The following RBFOX1 variants were observed in gnomAD, a reference collection of about 807,000 sequenced individuals.
The protein encoded by RBFOX1 is RNA binding protein fox-1 homolog 1.
Under a neutral mutation model 57.7 loss-of-function variants are expected in RBFOX1, and 8 were observed. The ratio of observed to expected loss-of-function variants is 0.14; its 90% CI spans 0.08 to 0.25. The LOEUF is 0.25. RBFOX1 is among the 10% of genes least tolerant of loss of function. The pLI, the probability that RBFOX1 is intolerant of heterozygous loss-of-function variation, is 1.00. For missense variants in RBFOX1, 611 were observed against 548.5 expected, an observed-to-expected ratio of 1.11 and a Z score of -1.14; for synonymous variants, 326 against 222.4, an observed-to-expected ratio of 1.47 and a Z score of -4.15.
intron 4 of RBFOX1, among the ~76,000 whole-genome samples, chr16:7,117,345 C>T (rs8047900): frequency 0.13 from 19,671 of 151,962 alleles, 1,572 homozygotes; most frequent in East Asian, 0.35. Flanking sequence ...TGTCAACAAC[C>T]CTAAAATGTT....
intron 4 of RBFOX1, among the ~76,000 whole-genome samples, chr16:7,194,814 G>A (rs576831433): frequency 2.6e-5 from 4 of 151,740 alleles, no homozygotes; most frequent in Admixed American, 1.3e-4. Context: ...TGTGGTTCTC[G>A]CCACTAGGGA....
At chr16:5,533,944 A>G (rs1359757019) in intron 2 of RBFOX1, among the ~76,000 whole-genome samples, 1 of 152,136 alleles carries the variant, frequency 6.6e-6, no homozygotes, top group Non-Finnish European at 1.5e-5. Context: ...GAGAGCAGGA[A>G]TTGTTGAGAC....
intron 1 of RBFOX1, among the ~76,000 whole-genome samples, chr16:6,112,086 A>G (rs1488217231): frequency 6.6e-6 from 1 of 152,204 alleles, no homozygotes; most frequent in African/African-American, 2.4e-5. Flanking sequence ...GGCCCAGTGT[A>G]AGAGTGGTTT....
chr16:7,696,200 T>C (rs978098160), intron 14 of RBFOX1, among the ~76,000 whole-genome samples: 2 of 152,198 alleles, frequency 1.3e-5, no homozygotes, highest in Admixed American at 6.5e-5. Context: ...TCAACAATGC[T>C]ATTAGTTGTG....
At chr16:6,348,437 C>G (rs947893563) in intron 2 of RBFOX1, among the ~76,000 whole-genome samples, 7 of 152,172 alleles carry the variant, frequency 4.6e-5, no homozygotes, top group African/African-American at 1.4e-4. Context: ...GGGGAAATCT[C>G]TTTGCCCTGT....
chr16:6,856,791 G>A (rs914063227), intron 3 of RBFOX1, among the ~76,000 whole-genome samples: 6 of 152,176 alleles, frequency 3.9e-5, no homozygotes, highest in African/African-American at 9.7e-5. Context: ...GGAGATGTGT[G>A]TAACAGTTGG....
At chr16:5,275,333 A>G (rs1298708728) in intron 1 of RBFOX1, among the ~76,000 whole-genome samples, 1 of 152,238 alleles carries the variant, frequency 6.6e-6, no homozygotes, top group African/African-American at 2.4e-5. Context: ...ATTTAAAAAT[A>G]TACAATAAAT....
At chr16:5,852,931 C>T (rs1295086594) in intron 3 of RBFOX1, among the ~76,000 whole-genome samples, 2 of 152,182 alleles carry the variant, frequency 1.3e-5, no homozygotes, top group Non-Finnish European at 2.9e-5. Context: ...TGCCCCTCCT[C>T]TAGGGCCCCT....
intron 1 of RBFOX1, among the ~76,000 whole-genome samples, chr16:5,326,041 A>C (rs552115869): frequency 6.6e-6 from 1 of 152,226 alleles, no homozygotes; most frequent in Admixed American, 6.5e-5. Context: ...CTTATATAAG[A>C]GTTTGGCATC....
chr16:6,382,935 A>G (rs993535646), intron 2 of RBFOX1, among the ~76,000 whole-genome samples: 2 of 152,208 alleles, frequency 1.3e-5, no homozygotes, highest in South Asian at 2.1e-4. Flanking sequence ...AAGCAGCACA[A>G]TAGACCAGGA....
Position 5,467,402 on chromosome 16 carries a change from G to A in RBFOX1, c.258+148G>A, listed in dbSNP as rs2068987759. 3 of 699,016 alleles carry A rather than the reference G, an allele frequency of 4.3e-6. No individual in the cohort carries two copies. In the South Asian group the frequency reaches 6.6e-5, roughly 15 times the overall value. 43.3% of individuals were successfully genotyped at this position (699,016 alleles called of 1,614,324 possible). On this transcript the variant is annotated intron_variant, in intron 2 of 2. Coordinates refer to the RBFOX1 transcript ENST00000585867. ...CACAGCACAGTTCATCCCTTAGCAA[G>A]AAGGTCACTACTAATTGATCAGGGA...
chr16:6,153,520 C>A (rs1408468602), intron 1 of RBFOX1, among the ~76,000 whole-genome samples: 1 of 152,042 alleles, frequency 6.6e-6, no homozygotes, highest in Non-Finnish European at 1.5e-5. Context: ...CTCCAAGTTC[C>A]CAAAGTCCAT....
At chr16:7,030,765 C>G (rs867435966) in intron 3 of RBFOX1, among the ~76,000 whole-genome samples, 1 of 152,160 alleles carries the variant, frequency 6.6e-6, no homozygotes, top group Non-Finnish European at 1.5e-5. Context: ...ACCCATTATA[C>G]AAAGTTATGG....
At chr16:7,534,955 C>T (rs1432966376) in intron 5 of RBFOX1, among the ~76,000 whole-genome samples, 1 of 152,150 alleles carries the variant, frequency 6.6e-6, no homozygotes, top group Non-Finnish European at 1.5e-5. Context: ...TGGGGCTGAG[C>T]CCTTGGTAAT....
intron 5 of RBFOX1, among the ~76,000 whole-genome samples, chr16:7,567,151 C>CCTA (rs138557288): frequency 0.01 from 628 of 61,128 alleles, 32 homozygotes; most frequent in Middle Eastern, 0.033. Flanking sequence ...ATATATATCC[C>CCTA]TATATATATA....
chr16:7,374,167 T>G (rs1882925885), intron 4 of RBFOX1, among the ~76,000 whole-genome samples: 1 of 152,106 alleles, frequency 6.6e-6, no homozygotes, highest in Non-Finnish European at 1.5e-5. Flanking sequence ...GCAGATGATG[T>G]GGAATAGTGG....
chr16:7,208,548 G>A (rs1448859170), intron 4 of RBFOX1, among the ~76,000 whole-genome samples: 1 of 152,128 alleles, frequency 6.6e-6, no homozygotes, highest in South Asian at 2.1e-4. Flanking sequence ...TTCACAACCT[G>A]TTCTCTGCTG....
intron 4 of RBFOX1, among the ~76,000 whole-genome samples, chr16:7,206,646 A>G (rs908557785): frequency 6.6e-6 from 1 of 152,014 alleles, no homozygotes; most frequent in Non-Finnish European, 1.5e-5. Flanking sequence ...CTTATCCCTC[A>G]GCTAGATTAG....
intron 3 of RBFOX1, among the ~76,000 whole-genome samples, chr16:6,819,868 A>G (rs987217600): frequency 2.0e-5 from 3 of 152,114 alleles, no homozygotes; most frequent in African/African-American, 4.8e-5. Flanking sequence ...GTAACCTACA[A>G]TGTAAGTGCT....
Sources: gnomAD v4.1 joint callset for allele counts (sites outside exome capture counted in the v4.1 genomes callset) on GRCh38, gnomAD v4.1.1 for gene constraint, MANE v1.5 for transcripts, NCBI Gene and HGNC (gene_info 2026-07-23, HGNC 2026-07-21) for gene names.